The following HECTD2 variants were observed in gnomAD, a reference collection of about 807,000 sequenced individuals.
HECTD2 encodes HECT domain E3 ubiquitin protein ligase 2.
HECTD2 carries 35 observed loss-of-function variants against 103.2 expected under a neutral mutation model. That is an observed-to-expected ratio of 0.34 (90% CI 0.26 to 0.45). HECTD2 has a LOEUF of 0.45. Ranked by LOEUF, HECTD2 falls within the 20% of genes least tolerant of loss-of-function variation. The probability of loss-of-function intolerance (pLI) is 1.00; values close to 1 mark genes in which losing one functional copy is unlikely to be tolerated. For synonymous variants in HECTD2, 281 were observed against 329.9 expected (o/e 0.85, Z 1.61); for missense variants, 596 against 937.4 (o/e 0.64, Z 4.76).
At position 91,487,788 on chromosome 10, in the gene HECTD2, C is replaced by T. The variant is rs1846318143; in HGVS notation, c.1191+10C>T. 4.7e-6 allele frequency: 7 copies of T among 1,476,722 alleles called. No individual in the cohort carries two copies. In the South Asian group the frequency reaches 8.1e-5, roughly 17 times the overall value. 91.5% of individuals were successfully genotyped at this position (1,476,722 alleles called of 1,614,324 possible). A position where few individuals can be genotyped will look rare whatever the true frequency, so the allele number is the denominator to read the frequency against. ...GATAAACATCGCAAGGGTAAGTCAG[C>T]TATAAAAACATATTTATGCTGACTA... is the stretch of plus-strand genomic sequence containing the variant. On this transcript the variant is annotated intron_variant, in intron 11 of 20. Coordinates refer to ENST00000298068, the MANE Select transcript of HECTD2 (RefSeq NM_182765.6). The surrounding 1 kb of genome is among the most constrained non-coding windows in gnomAD (Gnocchi z 4.1).
intron 2 of HECTD2, among the ~76,000 whole-genome samples, chr10:91,449,521 ATAT>A (rs1032299446): frequency 1.3e-5 from 2 of 152,144 alleles, no homozygotes; most frequent in Non-Finnish European, 2.9e-5. Flanking sequence ...TCCTATAAAC[ATAT>A]TATTGGAAAT....
intron 2 of HECTD2, among the ~76,000 whole-genome samples, chr10:91,450,971 G>A (rs1564713050): frequency 6.6e-6 from 1 of 152,062 alleles, no homozygotes; most frequent in Non-Finnish European, 1.5e-5. Flanking sequence ...CAAGAATCTA[G>A]AACCAGAAAT....
In HECTD2 at chr10:91,449,310, A is replaced by G. The variant is rs547742752; in HGVS notation, c.269-11117A>G. On this transcript the variant is annotated intron_variant, in intron 2 of 20. Coordinates refer to ENST00000298068, the MANE Select transcript of HECTD2 (RefSeq NM_182765.6). ...TGACAAAAAACACTTAATTACCTCA[A>G]TAGATGTATAAAAGGCCTCGATAAA... is the stretch of plus-strand genomic sequence containing the variant. Among the ~76,000 whole-genome samples the G allele has an allele frequency of 5.0e-4, 76 of 152,294 alleles. 2 individuals are homozygous for G. Among genetic ancestry groups the G allele is most frequent in the Non-Finnish European group, 9.3e-4 (63 of 68,020 alleles).
At chr10:91,450,595 A>G (rs1844770015) in intron 2 of HECTD2, among the ~76,000 whole-genome samples, 1 of 152,162 alleles carries the variant, frequency 6.6e-6, no homozygotes, top group East Asian at 1.9e-4. Context: ...GGCAGCCTAC[A>G]GAATGAGAGA....
At chr10:91,501,895 A>G (rs1443016279) in intron 20 of HECTD2, among the ~76,000 whole-genome samples, 1 of 151,960 alleles carries the variant, frequency 6.6e-6, no homozygotes, top group Non-Finnish European at 1.5e-5. Context: ...TTCCCAAATA[A>G]CTTATAATTT....
In HECTD2 at chr10:91,483,089, A is replaced by C; in HGVS notation, c.821+13A>C. 8.2e-7 allele frequency: 1 copy of C among 1,224,798 alleles called. No individual in the cohort carries two copies. Among genetic ancestry groups the C allele is most frequent in the Non-Finnish European group, 1.2e-6 (1 of 840,206 alleles). The allele number at this position is 1,224,798 out of a possible 1,614,324, so 75.9% of individuals were successfully genotyped here. ...ACTGGTTTAAAAAGTAAATCATTCTATGATATTAAGAACTTTTATAGTCTC... is the reference window on the plus strand; with the variant it reads ...ACTGGTTTAAAAAGTAAATCATTCTCTGATATTAAGAACTTTTATAGTCTC... On this transcript the variant is annotated intron_variant, in intron 8 of 20. Coordinates refer to ENST00000298068, the MANE Select transcript of HECTD2 (RefSeq NM_182765.6).
rs545387893 is a variant in HECTD2 at position 91,456,053 on chromosome 10, C to T, written c.269-4374C>T. ...TTGGCTTAGGATTGACTTAGCAATG[C>T]GGGCTGTTTTTTGGTTCCATATGAA... On this transcript the variant is annotated intron_variant, in intron 2 of 20. Transcript: ENST00000298068. 2.8e-3 allele frequency among the ~76,000 whole-genome samples: 423 copies of T among 152,154 alleles called. 2 individuals carry two copies. Among genetic ancestry groups the T allele is most frequent in the African/African-American group, 9.8e-3 (406 of 41,486 alleles).
At chr10:91,491,965 C>T (rs1340224538) in intron 12 of HECTD2, among the ~76,000 whole-genome samples, 1 of 152,150 alleles carries the variant, frequency 6.6e-6, no homozygotes, top group East Asian at 1.9e-4. Flanking sequence ...CTACCTCAGC[C>T]TCCCAAATAG....
intron 5 of HECTD2, among the ~76,000 whole-genome samples, chr10:91,466,915 A>C (rs1297642546): frequency 6.6e-6 from 1 of 152,098 alleles, no homozygotes; most frequent in Non-Finnish European, 1.5e-5. Context: ...GTTAAAAATA[A>C]CAGTAATGGA....
intron 5 of HECTD2, among the ~76,000 whole-genome samples, chr10:91,476,528 C>A (rs1453001462): frequency 6.6e-6 from 1 of 152,166 alleles, no homozygotes; most frequent in Non-Finnish European, 1.5e-5. Flanking sequence ...AGAAACAGGG[C>A]AGACAGAGCA....
chr10:91,503,459 A>G (rs997905168), intron 20 of HECTD2, among the ~76,000 whole-genome samples: 1 of 152,220 alleles, frequency 6.6e-6, no homozygotes, highest in Non-Finnish European at 1.5e-5. Flanking sequence ...GCATTGCCTC[A>G]CTCGGGAAGC....
chr10:91,410,102 A>T (rs1842848119), upstream of HECTD2, among the ~76,000 whole-genome samples: 1 of 151,682 alleles, frequency 6.6e-6, no homozygotes, highest in South Asian at 2.1e-4. Flanking sequence ...TCGGGCGTCG[A>T]CCGTGGCGCC....
At chr10:91,419,452 A>G (rs1484577827) in intron 1 of HECTD2, among the ~76,000 whole-genome samples, 3 of 152,318 alleles carry the variant, frequency 2.0e-5, no homozygotes, top group African/African-American at 7.2e-5. Flanking sequence ...AGATTATTTT[A>G]TATTATAATC....
chr10:91,491,329 TATTA>T (rs767645184), intron 12 of HECTD2, 22 bp downstream of exon 12: 11 of 1,114,302 alleles, frequency 9.9e-6, no homozygotes, highest in Non-Finnish European at 1.4e-5. Flanking sequence ...TCCAAAATGA[TATTA>T]ATTAAAGCTT....
At chr10:91,462,763 G>A in intron 5 of HECTD2, 3 of 985,604 alleles carry the variant, frequency 3.0e-6, no homozygotes, top group Non-Finnish European at 3.6e-6. Context: ...GCTATGAAGT[G>A]AAAGACATGT....
At chr10:91,469,855 T>C (rs1429997194) in intron 5 of HECTD2, among the ~76,000 whole-genome samples, 2 of 152,010 alleles carry the variant, frequency 1.3e-5, no homozygotes, top group African/African-American at 2.4e-5. Context: ...ATCCATAGGC[T>C]CAAAGTAAAG....
intron 20 of HECTD2, among the ~76,000 whole-genome samples, chr10:91,507,387 G>C (rs1373324030): frequency 2.6e-5 from 4 of 151,524 alleles, no homozygotes; most frequent in Non-Finnish European, 5.9e-5. Context: ...CATTGTCTCA[G>C]CCCAAAATCT....
At chr10:91,433,295 AAT>A (rs1843972567) in intron 2 of HECTD2, among the ~76,000 whole-genome samples, 1 of 151,974 alleles carries the variant, frequency 6.6e-6, no homozygotes, top group African/African-American at 2.4e-5. Flanking sequence ...TATAAAAATA[AAT>A]ATGTTTCAGA....
intron 2 of HECTD2, among the ~76,000 whole-genome samples, chr10:91,426,931 T>C (rs1397654978): frequency 1.3e-5 from 2 of 151,048 alleles, no homozygotes; most frequent in Non-Finnish European, 2.9e-5. Context: ...ACATGTGCCA[T>C]GCTGGTGTGC....
Sources: gnomAD v4.1 joint callset for allele counts (sites outside exome capture counted in the v4.1 genomes callset) on GRCh38, gnomAD v4.1.1 for gene constraint, Gnocchi (gnomAD v3.1) non-coding constraint, MANE v1.5 for transcripts, NCBI Gene and HGNC (gene_info 2026-07-23, HGNC 2026-07-21) for gene names.